Variants in UGGT2 observed in about 807,000 individuals in gnomAD.
The protein encoded by UGGT2 is UDP-glucose glycoprotein glucosyltransferase 2, also known as UDP-glucose:glycoprotein glucosyltransferase 2.
In UGGT2, 180 loss-of-function variants were observed where a neutral mutation model predicts 192.1. The ratio of observed to expected loss-of-function variants is 0.94; its 90% confidence interval spans 0.83 to 1.06. The LOEUF is 1.06. Ranked by LOEUF, UGGT2 falls within the 50% of genes least tolerant of loss-of-function variation. UGGT2 has a pLI of 0.00. For missense variants in UGGT2, 1,849 were observed against 1,795.7 expected, an observed-to-expected ratio of 1.03 and a Z score of -0.54; for synonymous variants, 580 against 591.0, an observed-to-expected ratio of 0.98 and a Z score of 0.27.
At chr13:95,862,533 T>C (rs1890255304) in intron 31 of UGGT2, among the ~76,000 whole-genome samples, 1 of 152,132 alleles carries the variant, frequency 6.6e-6, no homozygotes, top group Non-Finnish European at 1.5e-5. Context: ...GAGGTTTAGG[T>C]GGGACAGGGC....
At chr13:95,924,426 A>ATTTTTTTTTTTTTT (rs2048955414) in intron 20 of UGGT2, among the ~76,000 whole-genome samples, 1 of 35,420 alleles carries the variant, frequency 2.8e-5, no homozygotes, top group South Asian at 7.5e-4. Flanking sequence ...TTTTTTTTTG[A>ATTTTTTTTTTTTTT]AATTTTCCGG....
At chr13:95,848,623 T>C (rs1202429090) in intron 36 of UGGT2, among the ~76,000 whole-genome samples, 1 of 152,200 alleles carries the variant, frequency 6.6e-6, no homozygotes, top group Non-Finnish European at 1.5e-5. Flanking sequence ...GGGCTCTCTA[T>C]TGTTCCATTG....
At chr13:95,904,982 G>A (rs1164742433) in intron 20 of UGGT2, among the ~76,000 whole-genome samples, 8 of 151,612 alleles carry the variant, frequency 5.3e-5, no homozygotes, top group South Asian at 2.1e-4. Flanking sequence ...TTTAATGATC[G>A]CCATTCTAAC....
intron 20 of UGGT2, among the ~76,000 whole-genome samples, chr13:95,919,826 A>G (rs1459400585): frequency 1.3e-5 from 2 of 152,214 alleles, no homozygotes; most frequent in Non-Finnish European, 2.9e-5. Context: ...ACTAACATTG[A>G]CATTCTTCAC....
intron 10 of UGGT2, among the ~76,000 whole-genome samples, chr13:95,975,493 T>C (rs2050908195): frequency 6.6e-6 from 1 of 152,238 alleles, no homozygotes; most frequent in Non-Finnish European, 1.5e-5. Flanking sequence ...TTTCATACTA[T>C]ATTTATAGTC....
chr13:96,027,130 C>T (rs1336114211), intron 2 of UGGT2, among the ~76,000 whole-genome samples: 2 of 152,016 alleles, frequency 1.3e-5, no homozygotes, highest in African/African-American at 2.4e-5. Flanking sequence ...TCTTAAAATA[C>T]TTATAGTTAC....
At chr13:95,883,701 A>G (rs1194314858) in intron 27 of UGGT2, among the ~76,000 whole-genome samples, 1 of 152,068 alleles carries the variant, frequency 6.6e-6, no homozygotes, top group Admixed American at 6.6e-5. Flanking sequence ...GCCATGCGAA[A>G]CTGTGAGTTA....
At chr13:96,047,132 A>G (rs1000907736) in intron 1 of UGGT2, among the ~76,000 whole-genome samples, 1 of 152,208 alleles carries the variant, frequency 6.6e-6, no homozygotes, top group Non-Finnish European at 1.5e-5. Context: ...TGCTTCTCCC[A>G]GCACGGAGTT....
intron 20 of UGGT2, among the ~76,000 whole-genome samples, chr13:95,904,019 T>G (rs558136100): frequency 6.6e-6 from 1 of 152,314 alleles, no homozygotes; most frequent in African/African-American, 2.4e-5. Context: ...CTGTTCAATC[T>G]GCTTCCAGTA....
In UGGT2 at chr13:96,013,364, T is replaced by C; in HGVS notation, c.603A>G (p.Val201=). 6 of 1,609,220 alleles carry C rather than the reference T, an allele frequency of 3.7e-6. No homozygotes were observed. Among genetic ancestry groups the C allele is most frequent in the Non-Finnish European group, 5.1e-6 (6 of 1,178,866 alleles). Residue 201 remains valine, a synonymous_variant, in exon 5 of 39, where the codon GTA becomes GTG. Transcript: ENST00000376747. ...GTRTFSAFHK[V]LSEKAQNEEI... Reference sequence around the variant, plus strand: ...CCTCATTTTGAGCTTTTTCAGACAATACTTTGTGAAATGCACTAAATGTTC... The same window carrying C: ...CCTCATTTTGAGCTTTTTCAGACAACACTTTGTGAAATGCACTAAATGTTC...
intron 8 of UGGT2, among the ~76,000 whole-genome samples, chr13:95,989,068 C>T (rs931643689): frequency 6.6e-6 from 1 of 151,980 alleles, no homozygotes; most frequent in Admixed American, 6.6e-5. Flanking sequence ...GGAGTGACTG[C>T]TAATGAGGGT....
chr13:95,970,691 T>C (rs891997255), intron 11 of UGGT2, among the ~76,000 whole-genome samples: 3 of 152,156 alleles, frequency 2.0e-5, no homozygotes, highest in African/African-American at 7.2e-5. Context: ...TCACGTGTGT[T>C]TGAATACAAA....
At chr13:95,877,541 T>C (rs1891823587) in intron 28 of UGGT2, 157 bp downstream of exon 28, 3 of 1,045,236 alleles carry the variant, frequency 2.9e-6, no homozygotes, top group Non-Finnish European at 4.0e-6. Context: ...TAAAGTATGA[T>C]TTTCCCCATT....
chr13:95,937,994 G>A (rs146584154), intron 16 of UGGT2, among the ~76,000 whole-genome samples: 86 of 152,254 alleles, frequency 5.6e-4, no homozygotes, highest in Non-Finnish European at 5.4e-4. Context: ...TGCTATTCTC[G>A]TGACAGTGAA....
At chr13:95,876,980 T>G (rs531748782) in intron 29 of UGGT2, 1 of 192,480 alleles carries the variant, frequency 5.2e-6, no homozygotes, top group East Asian at 1.2e-4. Flanking sequence ...CTCCCGAAGA[T>G]TCAAGCAATT....
At chr13:95,836,205 C>T (rs542570187) in intron 37 of UGGT2, among the ~76,000 whole-genome samples, 4 of 152,252 alleles carry the variant, frequency 2.6e-5, no homozygotes, top group Admixed American at 6.5e-5. Flanking sequence ...TGTGCCACCA[C>T]GCCCAGCTAA....
At chr13:96,021,662 T>C (rs1275760822) in intron 4 of UGGT2, among the ~76,000 whole-genome samples, 2 of 152,204 alleles carry the variant, frequency 1.3e-5, no homozygotes, top group Non-Finnish European at 2.9e-5. Flanking sequence ...TAATAATCAG[T>C]AGTTTTCCTC....
Position 95,986,091 on chromosome 13 carries a change from C to CT in UGGT2, c.1031+241dup, listed in dbSNP as rs529379813. 8.8e-3 allele frequency among the ~76,000 whole-genome samples: 1,335 copies of CT among 151,978 alleles called. 11 individuals are homozygous for CT. The highest frequency in any genetic ancestry group is 0.033 in the South Asian group (157 of 4,820). ...CATGATTTTAGAAAATTTTTTAGGA[C>CT]TTTTTTTCCTATTTGCCTCTAACAA... On this transcript the variant is annotated intron_variant, in intron 9 of 38. Coordinates refer to ENST00000376747, the MANE Select transcript of UGGT2 (RefSeq NM_020121.4).
chr13:96,039,334 T>C (rs2053098234), intron 1 of UGGT2, among the ~76,000 whole-genome samples: 1 of 152,168 alleles, frequency 6.6e-6, no homozygotes, highest in Non-Finnish European at 1.5e-5. Flanking sequence ...TTCTAATACA[T>C]TCCCCAAAAC....
Sources: allele counts gnomAD v4.1 joint callset (sites outside exome capture counted in the v4.1 genomes callset), GRCh38; gene constraint gnomAD v4.1.1; transcripts MANE v1.5; gene names NCBI Gene and HGNC (gene_info 2026-07-23, HGNC 2026-07-21).